Variants in RELB observed in about 807,000 individuals in gnomAD.
The protein encoded by RELB is RELB proto-oncogene, NF-kB subunit.
In RELB, 14 loss-of-function variants were observed where a neutral mutation model predicts 55.4. That is an observed-to-expected ratio of 0.25 (90% CI 0.17 to 0.40). The LOEUF is 0.40. RELB is among the 10% of genes least tolerant of loss of function. The pLI is 1.00. For missense variants in RELB, 669 were observed against 830.7 expected (o/e 0.81, Z 2.39); for synonymous variants, 409 against 371.3 (o/e 1.10, Z -1.17).
chr19:45,006,535 A>T (rs2088747525), intron 2 of RELB, among the ~76,000 whole-genome samples: 2 of 152,002 alleles, frequency 1.3e-5, no homozygotes, highest in African/African-American at 4.8e-5. Context: ...AGGGCCAGAC[A>T]TATGCTGGAC....
intron 4 of RELB, among the ~76,000 whole-genome samples, chr19:45,013,373 T>A (rs35205401): frequency 0.11 from 17,143 of 151,740 alleles, 1,087 homozygotes; most frequent in East Asian, 0.25. Context: ...ACCCCTGACC[T>A]CAAGTGATCC....
At chr19:45,024,479 A>G (rs933161371) in intron 5 of RELB, among the ~76,000 whole-genome samples, 5 of 151,168 alleles carry the variant, frequency 3.3e-5, no homozygotes, top group African/African-American at 1.2e-4. Flanking sequence ...TTCCTATTAA[A>G]GATGAAGTTG....
rs911730818 is a variant in RELB, at chr19:45,021,667, C to G, written c.505-386C>G. On this transcript the variant is annotated intron_variant, in intron 4 of 11. Coordinates refer to ENST00000221452, the MANE Select transcript of RELB (RefSeq NM_006509.4). ...TCGGCTCACTGCATCCTCCGCCTCC[C>G]AGGTTCAGGCGATTCTCCTGCCTCA... Among the ~76,000 whole-genome samples the G allele has an allele frequency of 2.0e-5, 3 of 149,756 alleles. No individual in the cohort carries two copies. In the Admixed American group the frequency reaches 2.0e-4, roughly 10 times the overall value.
At position 45,037,756 on chromosome 19, in the gene RELB, G is replaced by A. The variant is rs1308158425; in HGVS notation, c.1706G>A (p.Gly569Asp). ...CATTACCGCGAGGCGGCCTTTGGGG[G>A]CGGCCTCCTATCCCCGGGGCCTGAA... is the stretch of plus-strand genomic sequence containing the variant. ...PNHYREAAFG[G>D]GLLSPGPEAT is the part of the protein sequence containing the mutation. Residue 569 changes from glycine (G) to aspartate (D), a missense_variant, in exon 12 of 12, where the codon GGC (glycine) becomes GAC (aspartate). Transcript: ENST00000221452. The A allele has an allele frequency of 1.3e-6, 2 of 1,488,560 alleles. No individual in the cohort carries two copies. Among genetic ancestry groups the A allele is most frequent in the Non-Finnish European group, 1.8e-6 (2 of 1,122,112 alleles). The allele number at this position is 1,488,560 out of a possible 1,614,324, so 92.2% of individuals were successfully genotyped here.
At position 45,037,682 on chromosome 19, in the gene RELB, CG is replaced by C; in HGVS notation, c.1636del (p.Asp546MetfsTer60). On this transcript the variant is annotated frameshift_variant, in exon 12 of 12. Coordinates refer to ENST00000221452, the MANE Select transcript of RELB (RefSeq NM_006509.4). LOFTEE classifies it high-confidence loss of function. ...TGGACTCGTACCAGGCCCCGGGCCCCGGGGATGGAGGCACCGCCAGCCTTGT... is the reference window on the plus strand; with the variant it reads ...TGGACTCGTACCAGGCCCCGGGCCCCGGGATGGAGGCACCGCCAGCCTTGT... ...TLDSYQAPGP[G>X]DGGTASLVGS... 1 of 1,564,824 alleles carries C rather than the reference CG, an allele frequency of 6.4e-7. No individual in the cohort carries two copies. Among genetic ancestry groups the C allele is most frequent in the South Asian group, 1.2e-5 (1 of 86,452 alleles).
At chr19:45,025,304 T>C in intron 5 of RELB, 25 bp from the exon 6 acceptor site, 1 of 1,566,846 alleles carries the variant, frequency 6.4e-7, no homozygotes, top group Non-Finnish European at 8.7e-7. Context: ...CGAGCACTCC[T>C]CTCCCTCCCC....
At chr19:45,026,248 A>T (rs1459170916) in intron 7 of RELB, among the ~76,000 whole-genome samples, 2 of 149,486 alleles carry the variant, frequency 1.3e-5, no homozygotes, top group Non-Finnish European at 3.0e-5. Context: ...TCTCAAAAAA[A>T]AAAAATTAGT....
intron 4 of RELB, among the ~76,000 whole-genome samples, chr19:45,014,686 A>C (rs1411755391): frequency 7.0e-6 from 1 of 143,444 alleles, no homozygotes; most frequent in Non-Finnish European, 1.5e-5. Context: ...TCCGGCTAAT[A>C]TTTTGTACTT....
intron 2 of RELB, chr19:45,008,436 A>C (rs1158432388): frequency 4.4e-6 from 2 of 456,072 alleles, no homozygotes; most frequent in Non-Finnish European, 8.8e-6. Context: ...TCCAAAGTCT[A>C]ACTCTGTCTT....
intron 2 of RELB, chr19:45,008,397 C>G: frequency 2.2e-6 from 1 of 456,040 alleles, no homozygotes; most frequent in Admixed American, 2.4e-5. Context: ...GACTCAGTCT[C>G]CCCCTACAGC....
intron 7 of RELB, 99 bp from the exon 8 acceptor site, chr19:45,028,789 G>A (rs878897286): frequency 2.0e-5 from 18 of 891,114 alleles, no homozygotes; most frequent in Middle Eastern, 4.4e-4. Flanking sequence ...TACGTCTCCA[G>A]GGCCCCGGGG....
At chr19:45,016,060 A>G (rs755109410) in intron 4 of RELB, among the ~76,000 whole-genome samples, 1 of 151,482 alleles carries the variant, frequency 6.6e-6, no homozygotes, top group Non-Finnish European at 1.5e-5. Context: ...GTGCAGTGGC[A>G]TGCAACCTCC....
intron 11 of RELB, among the ~76,000 whole-genome samples, chr19:45,035,363 A>G (rs1971674432): frequency 6.6e-6 from 1 of 151,892 alleles, no homozygotes; most frequent in Admixed American, 6.6e-5. Context: ...TACTAAAAAT[A>G]CAAAAATTAG....
chr19:45,026,098 T>C (rs1971555322), intron 7 of RELB, among the ~76,000 whole-genome samples: 1 of 152,072 alleles, frequency 6.6e-6, no homozygotes. Flanking sequence ...AAAAATTAGC[T>C]GGGCGCAGTG....
chr19:45,009,233 A>G (rs1971320014), intron 2 of RELB, among the ~76,000 whole-genome samples: 1 of 152,134 alleles, frequency 6.6e-6, no homozygotes, highest in South Asian at 2.1e-4. Context: ...GGTGCCCACC[A>G]CGATACCCAG....
rs1461978065 is a variant in RELB, at chr19:45,012,220, G to A, written c.448G>A (p.Gly150Ser). The change falls in exon 4 of 12, where the codon GGC becomes AGC. Residue 150 changes from glycine to serine, a missense_variant. Transcript: ENST00000221452. ...CTACGAGTGCGAGGGCCGCTCGGCC[G>A]GCAGCATCCTTGGGGAGAGCAGCAC... ...FRYECEGRSA[G>S]SILGESSTEA... The A allele has an allele frequency of 6.7e-7, 1 of 1,493,342 alleles. No individual in the cohort carries two copies. The highest frequency in any genetic ancestry group is 8.8e-7 in the Non-Finnish European group (1 of 1,136,280). 92.5% of individuals were successfully genotyped at this position (1,493,342 alleles called of 1,614,324 possible).
At chr19:45,009,730 T>C in intron 2 of RELB, 84 bp from the exon 3 acceptor site, 1 of 1,483,864 alleles carries the variant, frequency 6.7e-7, no homozygotes. Context: ...AGGGACAGGG[T>C]TGGGGAATCT....
intron 4 of RELB, among the ~76,000 whole-genome samples, chr19:45,012,703 T>C (rs1971377136): frequency 3.4e-5 from 5 of 145,844 alleles, no homozygotes; most frequent in Admixed American, 2.8e-4. Context: ...CACCATTGCA[T>C]AGCAGTCTGG....
chr19:45,011,231 C>T lies in RELB; in HGVS notation c.164-705C>T, dbSNP rs1008396427. Among the ~76,000 whole-genome samples, 5 of 151,324 alleles carry T rather than the reference C, an allele frequency of 3.3e-5. No individual in the cohort carries two copies. In the East Asian group the frequency reaches 5.8e-4, roughly 18 times the overall value. ...AGGATGGAGTGCAGTGACGCAATCT[C>T]GGCTCACTGCAACCTCCGCCTGACG... On this transcript the variant is annotated intron_variant, in intron 3 of 11. Coordinates refer to ENST00000221452, the MANE Select transcript of RELB (RefSeq NM_006509.4).
Sources: gnomAD v4.1 joint callset for allele counts (sites outside exome capture counted in the v4.1 genomes callset) on GRCh38, gnomAD v4.1.1 for gene constraint, MANE v1.5 for transcripts, NCBI Gene and HGNC (gene_info 2026-07-23, HGNC 2026-07-21) for gene names.